The following NINL variants were observed in gnomAD, a reference collection of about 807,000 sequenced individuals.
The protein encoded by NINL is ninein like, also known as ninein-like protein.
Under a neutral mutation model 160.3 loss-of-function variants are expected in NINL, and 153 were observed. That is an observed-to-expected ratio of 0.95 (90% CI 0.84 to 1.09). NINL has a LOEUF of 1.09. NINL is among the 50% of genes least tolerant of loss of function. The pLI is 0.00. For missense variants in NINL, 1,829 were observed against 1,764.0 expected (o/e 1.04, Z -0.66); for synonymous variants, 800 against 734.8 (o/e 1.09, Z -1.43).
At chr20:25,458,767 A>G in intron 21 of NINL, 1 of 506,482 alleles carries the variant, frequency 2.0e-6, no homozygotes, top group Non-Finnish European at 3.5e-6. Context: ...CATCACCCTC[A>G]AAATGGTGAC....
chr20:25,478,871 G>C (rs779317127), intron 16 of NINL, 52 bp downstream of exon 16: 11 of 1,478,508 alleles, frequency 7.4e-6, no homozygotes, highest in Admixed American at 4.6e-5. Flanking sequence ...TTCAAATTTT[G>C]GTTCTTGGCA....
chr20:25,487,687 T>G (rs973501325), intron 13 of NINL, among the ~76,000 whole-genome samples: 1 of 152,248 alleles, frequency 6.6e-6, no homozygotes, highest in Non-Finnish European at 1.5e-5. Flanking sequence ...GAAAGAACCA[T>G]GTGGTGAACG....
chr20:25,478,455 A>T (rs752374672), intron 16 of NINL, among the ~76,000 whole-genome samples: 2 of 152,208 alleles, frequency 1.3e-5, no homozygotes, highest in Non-Finnish European at 2.9e-5. Context: ...CTCACACCAG[A>T]ACACATAAAA....
chr20:25,511,560 C>T (rs1242468857), intron 4 of NINL, among the ~76,000 whole-genome samples: 1 of 152,072 alleles, frequency 6.6e-6, no homozygotes, highest in Non-Finnish European at 1.5e-5. Context: ...AATACGCAAC[C>T]CCATTTTTTT....
intron 8 of NINL, chr20:25,499,026 T>C: frequency 7.1e-6 from 7 of 985,492 alleles, no homozygotes; most frequent in Non-Finnish European, 8.4e-6. Flanking sequence ...TTCCTGGCTC[T>C]GCTTTCCACT....
intron 1 of NINL, among the ~76,000 whole-genome samples, chr20:25,564,998 A>G (rs764924158): frequency 2.6e-5 from 4 of 152,210 alleles, no homozygotes; most frequent in Non-Finnish European, 5.9e-5. Flanking sequence ...GAAGCTGATT[A>G]TAGACAAGTA....
At chr20:25,499,180 G>A in intron 8 of NINL, 1 of 985,378 alleles carries the variant, frequency 1.0e-6, no homozygotes, top group Non-Finnish European at 1.2e-6. Context: ...AGCTCCTGAG[G>A]AGCAATGGCA....
chr20:25,477,181 A>C, intron 16 of NINL, 92 bp from the exon 17 acceptor site: 1 of 1,212,758 alleles, frequency 8.2e-7, no homozygotes, highest in Non-Finnish European at 1.1e-6. Context: ...AACGGCTGCG[A>C]CCTCCTCTCT....
Position 25,476,608 on chromosome 20 carries a change from G to C in NINL, c.2683C>G (p.Pro895Ala), listed in dbSNP as rs2063250137. Residue 895 changes from proline (P) to alanine (A), a missense_variant, in exon 17 of 24, where the codon CCT (proline) becomes GCT (alanine). Physicochemically the swap from Pro to Ala is conservative, Grantham distance 27. Transcript: ENST00000278886. ...GAGGGGCCGTGGGATGCCGGGGCAG[G>C]GGCGGGGGCCGGGCTCTGCGTAGCT... ...TEATQSPAPAPAPASHGPSER... is the reference protein window; with the variant it reads ...TEATQSPAPAAAPASHGPSER... 6.3e-7 allele frequency: 1 copy of C among 1,596,642 alleles called. No individual in the cohort carries two copies. Among genetic ancestry groups the C allele is most frequent in the Admixed American group, 1.7e-5 (1 of 59,614 alleles).
Position 25,454,007 on chromosome 20 carries a change from G to A in NINL, c.3958-365C>T, listed in dbSNP as rs542165130. 7.2e-5 allele frequency among the ~76,000 whole-genome samples: 11 copies of A among 152,006 alleles called. No individual in the cohort carries two copies. In the East Asian group the frequency reaches 1.2e-3, roughly 16 times the overall value. ...GTGGAGCTTGCAGTGAGCAGAGATC[G>A]CACCACTGCACTCCATCCAGCCTAG... is the stretch of plus-strand genomic sequence containing the variant. On this transcript the variant is annotated intron_variant, in intron 23 of 23. Transcript: ENST00000278886.
At chr20:25,561,114 C>T (rs1018321615) in intron 1 of NINL, among the ~76,000 whole-genome samples, 2 of 151,694 alleles carry the variant, frequency 1.3e-5, no homozygotes, top group East Asian at 1.9e-4. Flanking sequence ...CTGCTGCCAT[C>T]TCGGCTCACT....
intron 1 of NINL, among the ~76,000 whole-genome samples, chr20:25,529,483 A>C (rs1391185071): frequency 3.4e-5 from 5 of 148,886 alleles, no homozygotes; most frequent in African/African-American, 4.8e-5. Flanking sequence ...CCTATTTGCT[A>C]ATCAAATTAC....
At chr20:25,585,107 C>G (rs927796429) in intron 1 of NINL, among the ~76,000 whole-genome samples, 1 of 152,150 alleles carries the variant, frequency 6.6e-6, no homozygotes, top group Non-Finnish European at 1.5e-5. Flanking sequence ...CGGGGGGCCC[C>G]GGCCAAGGCC....
At position 25,476,374 on chromosome 20, in the gene NINL, C is replaced by T. The variant is rs428801; in HGVS notation, c.2917G>A (p.Glu973Lys). The T allele has an allele frequency of 6.3e-3, 10,154 of 1,611,310 alleles. 384 individuals are homozygous for T. In the African/African-American group the frequency reaches 0.091, roughly 14 times the overall value. Residue 973 changes from glutamate to lysine, a missense_variant, in exon 17 of 24, where the codon GAG becomes AAG. Glu to Lys is a moderately conservative substitution (Grantham distance 56, BLOSUM62 1). Coordinates refer to ENST00000278886, the MANE Select transcript of NINL (RefSeq NM_025176.6). ...TCTTCCTGAATGGCCTGTAGCCTCT[C>T]AGCCTGTCCCCTGCACGAAGCGGCC... is the stretch of plus-strand genomic sequence containing the variant. ...RPAASCRGQA[E>K]RLQAIQEERA...
At chr20:25,562,664 G>A (rs1431792083) in intron 1 of NINL, among the ~76,000 whole-genome samples, 2 of 148,650 alleles carry the variant, frequency 1.3e-5, no homozygotes, top group East Asian at 2.0e-4. Flanking sequence ...CTCTGCCTAG[G>A]AAAACCAGAG....
At chr20:25,508,219 A>C (rs2063999580) in intron 5 of NINL, among the ~76,000 whole-genome samples, 1 of 152,236 alleles carries the variant, frequency 6.6e-6, no homozygotes, top group South Asian at 2.1e-4. Flanking sequence ...CCTGGCATTC[A>C]AGGATCATGG....
At position 25,546,915 on chromosome 20, in the gene NINL, G is replaced by A. The variant is rs113870628; in HGVS notation, c.-11-20317C>T. Among the ~76,000 whole-genome samples the A allele has an allele frequency of 6.8e-3, 1,042 of 152,282 alleles. 6 individuals are homozygous for A. Among genetic ancestry groups the A allele is most frequent in the Middle Eastern group, 0.02 (6 of 294 alleles). ...AGAGGCGTCTCATCAAGAAGTTGGCGTGGCTTCTTCTTTGGCCTCTCCTCA... is the reference window on the plus strand; with the variant it reads ...AGAGGCGTCTCATCAAGAAGTTGGCATGGCTTCTTCTTTGGCCTCTCCTCA... On this transcript the variant is annotated intron_variant, in intron 1 of 23. Transcript: ENST00000278886.
intron 1 of NINL, among the ~76,000 whole-genome samples, chr20:25,556,434 G>A (rs776649874): frequency 1.3e-5 from 2 of 151,896 alleles, no homozygotes; most frequent in Non-Finnish European, 2.9e-5. Context: ...GACTAGCCTG[G>A]GTAACATAAT....
intron 1 of NINL, among the ~76,000 whole-genome samples, chr20:25,571,201 G>A (rs759358378): frequency 6.6e-6 from 1 of 152,176 alleles, no homozygotes; most frequent in Non-Finnish European, 1.5e-5. Context: ...AAGGAAGGCT[G>A]ATCACGTAAG....
Sources: gnomAD v4.1 joint callset for allele counts (sites outside exome capture counted in the v4.1 genomes callset) on GRCh38, gnomAD v4.1.1 for gene constraint, MANE v1.5 for transcripts, NCBI Gene and HGNC (gene_info 2026-07-23, HGNC 2026-07-21) for gene names.